Variants in NCK1 observed in about 807,000 individuals in gnomAD.
NCK1 encodes the protein NCK adaptor protein 1.
Under a neutral mutation model 36.6 loss-of-function variants are expected in NCK1, and 19 were observed. The observed-to-expected ratio is 0.52, with a 90% CI of 0.36 to 0.76. NCK1 has a LOEUF of 0.76. Among genes scored for constraint, NCK1 ranks in the 30% least tolerant of loss-of-function variants. The pLI, the probability that NCK1 is intolerant of heterozygous loss-of-function variation, is 0.00. For synonymous variants in NCK1, 165 were observed against 156.0 expected (o/e 1.06, Z -0.43); for missense variants, 358 against 445.6 (o/e 0.80, Z 1.77).
intron 1 of NCK1, among the ~76,000 whole-genome samples, chr3:136,893,196 A>ACACACACACACACACACACAC (rs1560038452): frequency 3.3e-3 from 62 of 18,818 alleles, no homozygotes; most frequent in East Asian, 0.018. Flanking sequence ...ATATATACAC[A>ACACACACACACACACACACAC]CATGTGCAAG....
At chr3:136,904,322 T>A (rs1939624955) in intron 1 of NCK1, among the ~76,000 whole-genome samples, 1 of 152,122 alleles carries the variant, frequency 6.6e-6, no homozygotes, top group Non-Finnish European at 1.5e-5. Flanking sequence ...CCAGCTAATT[T>A]TTGTATTTTT....
At chr3:136,877,971 A>T (rs1938820441) in intron 1 of NCK1, among the ~76,000 whole-genome samples, 1 of 152,206 alleles carries the variant, frequency 6.6e-6, no homozygotes, top group African/African-American at 2.4e-5. Flanking sequence ...ACACAATTAA[A>T]TACTATTTGG....
intron 1 of NCK1, among the ~76,000 whole-genome samples, chr3:136,868,480 A>G (rs953334499): frequency 5.3e-5 from 8 of 151,372 alleles, no homozygotes; most frequent in Non-Finnish European, 7.4e-5. Context: ...GGTGCCTGCC[A>G]CCATGCCTGG....
chr3:136,885,557 G>A (rs1939055411), intron 1 of NCK1, among the ~76,000 whole-genome samples: 1 of 152,074 alleles, frequency 6.6e-6, no homozygotes, highest in African/African-American at 2.4e-5. Flanking sequence ...CGTCTACCTT[G>A]GCCTCTGAAA....
chr3:136,945,487 T>C, intron 2 of NCK1, 96 bp from the exon 3 acceptor site: 1 of 858,878 alleles, frequency 1.2e-6, no homozygotes, highest in Non-Finnish European at 1.8e-6. Flanking sequence ...AAGATCTATA[T>C]AGAGTTGAAG....
At chr3:136,946,848 A>G (rs1940841996) in intron 3 of NCK1, 1 of 152,492 alleles carries the variant, frequency 6.6e-6, no homozygotes, top group Non-Finnish European at 1.5e-5. Context: ...TAAAAGATAA[A>G]TTATATTGCA....
At chr3:136,933,997 C>T (rs1047273521) in intron 2 of NCK1, among the ~76,000 whole-genome samples, 1 of 152,138 alleles carries the variant, frequency 6.6e-6, no homozygotes, top group African/African-American at 2.4e-5. Flanking sequence ...CCTGAGCCAC[C>T]TTGCCCGGCC....
chr3:136,897,661 C>T (rs943737091), intron 1 of NCK1, among the ~76,000 whole-genome samples: 3 of 152,178 alleles, frequency 2.0e-5, no homozygotes, highest in East Asian at 1.9e-4. Flanking sequence ...TATTTTCTCC[C>T]ATTCAGCAGA....
intron 2 of NCK1, among the ~76,000 whole-genome samples, chr3:136,939,307 G>A (rs1436755497): frequency 6.6e-6 from 1 of 152,030 alleles, no homozygotes; most frequent in Non-Finnish European, 1.5e-5. Flanking sequence ...TAAAATATCT[G>A]TAAGGTCTGT....
intron 1 of NCK1, chr3:136,899,896 G>A: frequency 9.7e-7 from 1 of 1,032,204 alleles, no homozygotes; most frequent in Non-Finnish European, 1.5e-6. Flanking sequence ...TTCTCTTCTA[G>A]TGGGATTTCT....
At chr3:136,914,498 C>T (rs1023174336) in intron 1 of NCK1, among the ~76,000 whole-genome samples, 1 of 152,136 alleles carries the variant, frequency 6.6e-6, no homozygotes, top group Admixed American at 6.5e-5. Flanking sequence ...CCAGAATCCT[C>T]TAATGTTTTT....
intron 1 of NCK1, among the ~76,000 whole-genome samples, chr3:136,910,290 A>G (rs1939800105): frequency 6.6e-6 from 1 of 152,206 alleles, no homozygotes; most frequent in African/African-American, 2.4e-5. Context: ...ATTTAAATTT[A>G]TACCAGCTTA....
At chr3:136,882,615 G>A (rs1938973846) in intron 1 of NCK1, among the ~76,000 whole-genome samples, 1 of 151,046 alleles carries the variant, frequency 6.6e-6, no homozygotes, top group African/African-American at 2.4e-5. Context: ...GCTTTATGCA[G>A]TCACTTGGAG....
chr3:136,883,580 T>A (rs1391730097), intron 1 of NCK1, among the ~76,000 whole-genome samples: 2 of 152,170 alleles, frequency 1.3e-5, no homozygotes, highest in African/African-American at 2.4e-5. Flanking sequence ...TTTGAAAAAA[T>A]TTAATTTCCT....
intron 1 of NCK1, among the ~76,000 whole-genome samples, chr3:136,870,687 TA>T (rs11332327): frequency 0.66 from 80,950 of 123,340 alleles, 26,712 homozygotes; most frequent in East Asian, 0.83. Flanking sequence ...CTATAGTCTT[TA>T]AAAAAAAAAA....
rs1940934852 is a variant in NCK1 at position 136,950,143 on chromosome 3, T to C, written c.*1690T>C. 6.6e-6 allele frequency among the ~76,000 whole-genome samples: 1 copy of C among 152,124 alleles called. No individual in the cohort carries two copies. The highest frequency in any genetic ancestry group is 2.1e-4 in the South Asian group (1 of 4,832). ...AATGAATATAAATTGAGGAAAACTT[T>C]AAATTGTTGTAGGATGACTAGTAGT... On this transcript the variant is annotated 3_prime_UTR_variant, in exon 4 of 4. Coordinates refer to ENST00000481752, the MANE Select transcript of NCK1 (RefSeq NM_001291999.2).
chr3:136,866,530 C>T (rs1938416744), intron 1 of NCK1, among the ~76,000 whole-genome samples: 1 of 143,028 alleles, frequency 7.0e-6, no homozygotes, highest in Non-Finnish European at 1.5e-5. Flanking sequence ...CAGTCTTAAA[C>T]TCCTCACTTC....
intron 2 of NCK1, among the ~76,000 whole-genome samples, chr3:136,945,059 C>T (rs1417876233): frequency 6.6e-6 from 1 of 152,142 alleles, no homozygotes; most frequent in Non-Finnish European, 1.5e-5. Flanking sequence ...ATAGAGCTAC[C>T]TGGGTCTGGG....
chr3:136,949,029 C>T lies in NCK1; in HGVS notation c.*576C>T, dbSNP rs1018688278. On this transcript the variant is annotated 3_prime_UTR_variant, in exon 4 of 4. Coordinates refer to ENST00000481752, the MANE Select transcript of NCK1 (RefSeq NM_001291999.2). The stretch of plus-strand genomic sequence containing the variant: ...TTTTTAAAAATACATTCATTGTCTT[C>T]AGTCATACAGCAAGACACATGAGAC... The T allele has an allele frequency of 6.6e-6, 1 of 152,332 alleles. No homozygotes were observed. The highest frequency in any genetic ancestry group is 1.5e-5 in the Non-Finnish European group (1 of 67,886). 9.4% of individuals were successfully genotyped at this position (152,332 alleles called of 1,614,324 possible).
Sources: gnomAD v4.1 joint callset for allele counts (sites outside exome capture counted in the v4.1 genomes callset) on GRCh38, gnomAD v4.1.1 for gene constraint, MANE v1.5 for transcripts, NCBI Gene and HGNC (gene_info 2026-07-23, HGNC 2026-07-21) for gene names.